MYO18A: variants seen among roughly 807,000 people sequenced by gnomAD.
MYO18A encodes the protein myosin XVIIIA.
Under a neutral mutation model 235.8 loss-of-function variants are expected in MYO18A, and 78 were observed. The observed-to-expected ratio is 0.33, with a 90% CI of 0.28 to 0.40. MYO18A has a LOEUF of 0.40. Among genes scored for constraint, MYO18A ranks in the 10% least tolerant of loss-of-function variants. The pLI, the probability that MYO18A is intolerant of heterozygous loss-of-function variation, is 1.00. For missense variants in MYO18A, 2,215 were observed against 2,699.3 expected (o/e 0.82, Z 3.98); for synonymous variants, 977 against 1,077.8 (o/e 0.91, Z 1.83).
rs987881736 is a variant in MYO18A at position 29,103,624 on chromosome 17, C to A, written c.3482G>T (p.Ser1161Ile). 14 of 1,613,798 alleles carry A rather than the reference C, an allele frequency of 8.7e-6. No homozygotes were observed. The highest frequency in any genetic ancestry group is 1.0e-5 in the Non-Finnish European group (12 of 1,179,896). ...ELLECLDLEK[S>I]SCCMGLSRVF... ...CCGGCTCAGGCCCATGCAGCAGCTG[C>A]TCTTCTCCAGATCCAAGCACTCCAG... is the stretch of plus-strand genomic sequence containing the variant. The change falls in exon 21 of 42, where the codon AGC (serine) becomes ATC (isoleucine). Residue 1161 changes from serine to isoleucine, a missense_variant. Physicochemically the swap from Ser to Ile is moderately radical, Grantham distance 142. Coordinates refer to ENST00000527372, the MANE Select transcript of MYO18A (RefSeq NM_078471.4).
intron 27 of MYO18A, 46 bp downstream of exon 27, chr17:29,097,177 C>T (rs1452306704): frequency 1.3e-6 from 2 of 1,598,334 alleles, no homozygotes; most frequent in East Asian, 4.5e-5. Context: ...CACCAGTCCT[C>T]TCCTGGCCCT....
At chr17:29,116,785 T>A (rs965467131) in intron 10 of MYO18A, among the ~76,000 whole-genome samples, 3 of 125,860 alleles carry the variant, frequency 2.4e-5, no homozygotes, top group African/African-American at 9.2e-5. Context: ...TAACAGACAT[T>A]GTTTGAGAAG....
intron 2 of MYO18A, among the ~76,000 whole-genome samples, chr17:29,162,095 G>C (rs555290963): frequency 6.6e-6 from 1 of 152,216 alleles, no homozygotes; most frequent in East Asian, 1.9e-4. Context: ...GCTCGAGTCT[G>C]AGATGGCTCT....
intron 2 of MYO18A, among the ~76,000 whole-genome samples, chr17:29,142,931 C>G (rs554688106): frequency 4.3e-4 from 65 of 152,356 alleles, no homozygotes; most frequent in Admixed American, 2.0e-3. Flanking sequence ...CCTCAGGCTC[C>G]TGTGTAGCTG....
At chr17:29,096,183 T>C (rs8067945) in intron 28 of MYO18A, among the ~76,000 whole-genome samples, 2,148 of 152,206 alleles carry the variant, frequency 0.014, 24 homozygotes, top group Middle Eastern at 0.024. Context: ...AGAGGAGAAA[T>C]GGGCACTGTT....
chr17:29,157,931 C>A (rs1293838304), intron 2 of MYO18A, among the ~76,000 whole-genome samples: 1 of 152,134 alleles, frequency 6.6e-6, no homozygotes, highest in Non-Finnish European at 1.5e-5. Flanking sequence ...GTAACTGGGA[C>A]TACAGGTGTG....
intron 34 of MYO18A, chr17:29,091,338 C>A (rs2066393422): frequency 9.0e-6 from 3 of 334,126 alleles, no homozygotes; most frequent in South Asian, 7.2e-5. Context: ...CTTAGACTCT[C>A]ATTTTCCCTG....
intron 2 of MYO18A, among the ~76,000 whole-genome samples, chr17:29,149,776 A>C (rs895451232): frequency 1.3e-5 from 2 of 152,170 alleles, no homozygotes; most frequent in African/African-American, 4.8e-5. Flanking sequence ...AGCTCCCCCA[A>C]GGCCCAAAGC....
Position 29,157,120 on chromosome 17 carries a change from C to A in MYO18A, c.999+8822G>T, listed in dbSNP as rs181274626. 4.5e-3 allele frequency among the ~76,000 whole-genome samples: 680 copies of A among 152,324 alleles called. 2 individuals carry two copies. Among genetic ancestry groups the A allele is most frequent in the South Asian group, 0.025 (121 of 4,824 alleles). On this transcript the variant is annotated intron_variant, in intron 2 of 41. Transcript: ENST00000527372. The stretch of plus-strand genomic sequence containing the variant: ...TGGGCCAAAAAGGTGAGAGGGGCAA[C>A]GTCCCAGACTCCCAGATCTAGCATA...
At chr17:29,086,286 C>T (rs573534229) in intron 39 of MYO18A, among the ~76,000 whole-genome samples, 152 bp downstream of exon 39, 9 of 152,306 alleles carry the variant, frequency 5.9e-5, no homozygotes, top group Admixed American at 2.0e-4. Flanking sequence ...GCAGGACAGG[C>T]TGTGCTGGGA....
At chr17:29,154,260 G>A (rs1029943640) in intron 2 of MYO18A, among the ~76,000 whole-genome samples, 1 of 152,140 alleles carries the variant, frequency 6.6e-6, no homozygotes, top group African/African-American at 2.4e-5. Flanking sequence ...AGGCAGCCCT[G>A]GGAGAGGCGT....
intron 2 of MYO18A, chr17:29,127,751 C>G (rs965702993): frequency 1.6e-6 from 1 of 608,146 alleles, no homozygotes; most frequent in Non-Finnish European, 2.1e-6. Context: ...CTCGGTCATG[C>G]GGGGTTCGCT....
chr17:29,111,888 CCTT>C lies in MYO18A; in HGVS notation c.2599-28_2599-26del, dbSNP rs1186200622. ...CCTACAGAGAAGGAAGGAAATCCCT[CCTT>C]GTCATATGGAGCTGTGGGAAAGGGG... On this transcript the variant is annotated intron_variant, in intron 15 of 41. Coordinates refer to ENST00000527372, the MANE Select transcript of MYO18A (RefSeq NM_078471.4). The surrounding 1 kb of genome is among the most constrained non-coding windows in gnomAD (Gnocchi z 5.1). 1 of 1,599,136 alleles carries C rather than the reference CCTT, an allele frequency of 6.3e-7. No homozygotes were observed. The highest frequency in any genetic ancestry group is 1.3e-5 in the African/African-American group (1 of 74,268).
At chr17:29,085,492 G>C (rs1400283312) in intron 40 of MYO18A, 112 bp downstream of exon 40, 1 of 900,170 alleles carries the variant, frequency 1.1e-6, no homozygotes, top group African/African-American at 1.6e-5. Context: ...GCGGGAGTGT[G>C]GGGAGGCTGT....
rs760595757 is a variant in MYO18A at position 29,110,021 on chromosome 17, C to T, written c.3168G>A (p.Gly1056=). 4 of 1,612,996 alleles carry T rather than the reference C, an allele frequency of 2.5e-6. No homozygotes were observed. The African/African-American group carries it at 5.3e-5, about 22-fold the overall frequency. The part of the protein sequence containing the change: ...CFLPVAEGWA[G]EPRSASSRRV... Reference sequence around the variant, plus strand: ...GGCGGGAGGAGGCGGAACGGGGCTCCCCAGCCCAGCCCTCAGCTACAGGCA... The same window carrying T: ...GGCGGGAGGAGGCGGAACGGGGCTCTCCAGCCCAGCCCTCAGCTACAGGCA... Residue 1056 remains glycine (G), a synonymous_variant, in exon 19 of 42, where the codon GGG becomes GGA. Coordinates refer to ENST00000527372, the MANE Select transcript of MYO18A (RefSeq NM_078471.4).
Position 29,111,467 on chromosome 17 carries a change from G to C in MYO18A, c.2857C>G (p.Pro953Ala). 1 of 1,612,332 alleles carries C rather than the reference G, an allele frequency of 6.2e-7. No individual in the cohort carries two copies. Among genetic ancestry groups the C allele is most frequent in the Admixed American group, 1.7e-5 (1 of 59,706 alleles). ...AGCCGGGGGGCATTCTGGGTGGCTGGGTTCTGCTTGGTGTAGTTCAGCCAG... is the reference window on the plus strand; with the variant it reads ...AGCCGGGGGGCATTCTGGGTGGCTGCGTTCTGCTTGGTGTAGTTCAGCCAG... The part of the protein sequence containing the change: ...TGWLNYTKQN[P>A]ATQNAPRLLQ... The change falls in exon 17 of 42, where the codon CCA becomes GCA. Residue 953 changes from proline to alanine, a missense_variant. By Grantham distance (27) the Pro-to-Ala change is conservative. Coordinates refer to ENST00000527372, the MANE Select transcript of MYO18A (RefSeq NM_078471.4). This position sits in a 1 kb window ranked among gnomAD's most constrained non-coding sequence, Gnocchi z 5.1.
Position 29,072,962 on chromosome 17 carries a change from T to C in MYO18A, c.*1808A>G, listed in dbSNP as rs2065901903. 2 of 152,216 alleles carry C rather than the reference T, an allele frequency of 1.3e-5. No homozygotes were observed. The highest frequency in any genetic ancestry group is 1.3e-4 in the Admixed American group (2 of 15,286). 9.4% of individuals were successfully genotyped at this position (152,216 alleles called of 1,614,324 possible). ...GACAGCACTCCCAACCTATTCACAT[T>C]GCCCTGTGGGCCCGAGCTAGTTCTG... On this transcript the variant is annotated 3_prime_UTR_variant, in exon 42 of 42. Coordinates refer to ENST00000527372, the MANE Select transcript of MYO18A (RefSeq NM_078471.4).
rs115624063 is a variant in MYO18A, at chr17:29,164,966, G to C, written c.999+976C>G. On this transcript the variant is annotated intron_variant, in intron 2 of 41. Coordinates refer to ENST00000527372, the MANE Select transcript of MYO18A (RefSeq NM_078471.4). ...TTCTCCTTCCAGGAGAGGTAATAAAGACTCTTGGAGCCCAAGTGACCATTA... is the reference window on the plus strand; with the variant it reads ...TTCTCCTTCCAGGAGAGGTAATAAACACTCTTGGAGCCCAAGTGACCATTA... 2.3e-3 allele frequency among the ~76,000 whole-genome samples: 353 copies of C among 152,288 alleles called. 1 individual carries two copies. The highest frequency in any genetic ancestry group is 8.3e-3 in the African/African-American group (343 of 41,566).
chr17:29,110,333 G>T, intron 18 of MYO18A, 103 bp downstream of exon 18: 1 of 1,372,614 alleles, frequency 7.3e-7, no homozygotes, highest in Non-Finnish European at 9.7e-7. Flanking sequence ...GGGACGCTGA[G>T]TGGGCACCAG....
Sources: allele counts gnomAD v4.1 joint callset (sites outside exome capture counted in the v4.1 genomes callset), GRCh38; gene constraint gnomAD v4.1.1; non-coding constraint Gnocchi (gnomAD v3.1); transcripts MANE v1.5; gene names NCBI Gene and HGNC (gene_info 2026-07-23, HGNC 2026-07-21).